The following EPS15L1 variants were observed in gnomAD, a reference collection of about 807,000 sequenced individuals.
EPS15L1 encodes the protein epidermal growth factor receptor substrate 15-like 1.
A neutral mutation model predicts 117.1 loss-of-function variants in EPS15L1; 43 were observed. The ratio of observed to expected loss-of-function variants is 0.37; its 90% CI spans 0.29 to 0.47. The LOEUF (loss-of-function observed/expected upper bound fraction) is 0.47. EPS15L1 is among the 20% of genes least tolerant of loss of function. The pLI, the probability that EPS15L1 is intolerant of heterozygous loss-of-function variation, is 0.99. For synonymous variants in EPS15L1, 459 were observed against 470.5 expected, an observed-to-expected ratio of 0.98 and a Z score of 0.32; for missense variants, 981 against 1,164.0, an observed-to-expected ratio of 0.84 and a Z score of 2.29.
At chr19:16,467,856 G>A (rs1188510214) in intron 1 of EPS15L1, among the ~76,000 whole-genome samples, 8 of 152,274 alleles carry the variant, frequency 5.3e-5, no homozygotes, top group East Asian at 1.9e-4. Flanking sequence ...TCAGCTCTGC[G>A]CCCACCAACT....
chr19:16,378,999 G>T (rs1204520675), intron 21 of EPS15L1, among the ~76,000 whole-genome samples: 1 of 152,278 alleles, frequency 6.6e-6, no homozygotes, highest in East Asian at 1.9e-4. Flanking sequence ...CAGAAATAGG[G>T]GTAAAAATGA....
intron 13 of EPS15L1, among the ~76,000 whole-genome samples, chr19:16,409,523 A>G (rs558658126): frequency 3.3e-5 from 5 of 152,224 alleles, no homozygotes; most frequent in Non-Finnish European, 7.4e-5. Context: ...TGTGCTTCAA[A>G]AGACACCATC....
intron 22 of EPS15L1, 147 bp downstream of exon 22, chr19:16,376,975 G>A: frequency 9.7e-7 from 1 of 1,032,032 alleles, no homozygotes; most frequent in Non-Finnish European, 1.4e-6. Flanking sequence ...GCGTGGACCT[G>A]GGCAGCTGGG....
In EPS15L1 at chr19:16,417,997, A is replaced by G; in HGVS notation, c.1058T>C (p.Val353Ala). 4 of 1,614,150 alleles carry G rather than the reference A, an allele frequency of 2.5e-6. No individual in the cohort carries two copies. Among genetic ancestry groups the G allele is most frequent in the African/African-American group, 1.3e-5 (1 of 75,066 alleles). ...AGGCGGGACCATGTCCGGCGAGAGG[A>G]CTTGAGGAGGGTCGATGCCTTTACT... ...KVSKGIDPPQ[V>A]LSPDMVPPSE... The change falls in exon 11 of 24, where the codon GTC (valine) becomes GCC (alanine). Residue 353 changes from valine (V) to alanine (A), a missense_variant. By Grantham distance (64) the Val-to-Ala change is moderately conservative (BLOSUM62 0). Transcript: ENST00000455140.
intron 1 of EPS15L1, among the ~76,000 whole-genome samples, chr19:16,451,021 G>A (rs2093136406): frequency 6.6e-6 from 1 of 151,772 alleles, no homozygotes; most frequent in African/African-American, 2.4e-5. Context: ...TGCAATCTTG[G>A]CTCACTACAA....
At chr19:16,452,526 A>G (rs7247807) in intron 1 of EPS15L1, among the ~76,000 whole-genome samples, 4,562 of 150,786 alleles carry the variant, frequency 0.03, 222 homozygotes, top group African/African-American at 0.11. Flanking sequence ...AAGCTAAGGC[A>G]GGAGGATTGC....
intron 9 of EPS15L1, 38 bp downstream of exon 9, chr19:16,425,045 G>A: frequency 6.7e-7 from 1 of 1,500,790 alleles, no homozygotes; most frequent in Non-Finnish European, 9.3e-7. Flanking sequence ...ATCCTACTGT[G>A]CTCTGAGAGG....
At chr19:16,428,586 A>G (rs986672350) in intron 8 of EPS15L1, 116 bp downstream of exon 8, 92 of 703,082 alleles carry the variant, frequency 1.3e-4, no homozygotes, top group Non-Finnish European at 2.1e-4. Context: ...AGGAAAAGAA[A>G]AGAAAAGAAA....
At chr19:16,356,404 C>G (rs564945542) in intron 23 of EPS15L1, 2 of 153,788 alleles carry the variant, frequency 1.3e-5, no homozygotes, top group East Asian at 3.8e-4. Context: ...ATTCACCTCC[C>G]AGGTTCAAGG....
intron 21 of EPS15L1, among the ~76,000 whole-genome samples, chr19:16,378,069 A>G (rs1351575346): frequency 1.3e-5 from 2 of 152,096 alleles, no homozygotes; most frequent in Non-Finnish European, 2.9e-5. Context: ...AGTTGGATGA[A>G]TGGATAGACA....
chr19:16,392,522 C>T lies in EPS15L1; in HGVS notation c.1967-82G>A, dbSNP rs1017355594. The T allele has an allele frequency of 1.6e-5, 21 of 1,321,578 alleles. No homozygotes were observed. The South Asian group carries it at 2.1e-4, about 14-fold the overall frequency. The allele number at this position is 1,321,578 out of a possible 1,614,324, so 81.9% of individuals were successfully genotyped here. On this transcript the variant is annotated intron_variant, in intron 18 of 23. Transcript: ENST00000455140. The stretch of plus-strand genomic sequence containing the variant: ...TAAAAGAACACATCACAGAATGATG[C>T]CGTTTACATGAAATTCTAGAAAGGT...
At chr19:16,375,170 A>G (rs2092278550) in intron 22 of EPS15L1, among the ~76,000 whole-genome samples, 1 of 152,246 alleles carries the variant, frequency 6.6e-6, no homozygotes, top group Non-Finnish European at 1.5e-5. Context: ...GGAGGGGTGC[A>G]TGGGAGAGTG....
chr19:16,418,673 T>C (rs1316889081), intron 10 of EPS15L1, among the ~76,000 whole-genome samples: 1 of 152,170 alleles, frequency 6.6e-6, no homozygotes, highest in Admixed American at 6.5e-5. Flanking sequence ...ATCCTATCCC[T>C]CAATGGGATG....
chr19:16,466,916 A>C (rs1159893545), intron 1 of EPS15L1, among the ~76,000 whole-genome samples: 3 of 151,928 alleles, frequency 2.0e-5, no homozygotes, highest in Non-Finnish European at 4.4e-5. Flanking sequence ...AAAAAAAAAA[A>C]AAAGGAAAGC....
chr19:16,439,074 GTT>G (rs755051356), intron 4 of EPS15L1, among the ~76,000 whole-genome samples: 3 of 115,316 alleles, frequency 2.6e-5, no homozygotes, highest in African/African-American at 5.8e-5. Context: ...TTTTTTTTCT[GTT>G]TTTTTTTTTT....
intron 22 of EPS15L1, among the ~76,000 whole-genome samples, chr19:16,373,500 TCA>T (rs1030811169): frequency 2.0e-5 from 3 of 151,846 alleles, no homozygotes; most frequent in African/African-American, 4.8e-5. Flanking sequence ...AAAAAAAAAT[TCA>T]CAGATTAGCT....
chr19:16,422,111 G>A (rs1205421059), intron 9 of EPS15L1, among the ~76,000 whole-genome samples: 1 of 152,230 alleles, frequency 6.6e-6, no homozygotes, highest in African/African-American at 2.4e-5. Context: ...AACCCCACCA[G>A]GGCAGATGGA....
intron 12 of EPS15L1, among the ~76,000 whole-genome samples, chr19:16,415,112 G>A (rs940970935): frequency 2.1e-4 from 32 of 152,180 alleles, no homozygotes; most frequent in Admixed American, 6.5e-5. Context: ...GATTATAGGT[G>A]TGAGCCACAA....
At chr19:16,374,071 G>T (rs2092261738) in intron 22 of EPS15L1, among the ~76,000 whole-genome samples, 1 of 152,210 alleles carries the variant, frequency 6.6e-6, no homozygotes, top group Non-Finnish European at 1.5e-5. Context: ...ATGTTCTGAA[G>T]CTCATGGCTT....
Sources: allele counts gnomAD v4.1 joint callset (sites outside exome capture counted in the v4.1 genomes callset), GRCh38; gene constraint gnomAD v4.1.1; transcripts MANE v1.5; gene names NCBI Gene and HGNC (gene_info 2026-07-23, HGNC 2026-07-21).